NMNAT3: variants seen among roughly 807,000 people sequenced by gnomAD.
NMNAT3 encodes nicotinamide nucleotide adenylyltransferase 3, also known as nicotinamide/nicotinic acid mononucleotide adenylyltransferase 3.
In NMNAT3, 21 loss-of-function variants were observed where a neutral mutation model predicts 24.8. The observed-to-expected ratio is 0.85, with a 90% CI of 0.60 to 1.22. The LOEUF is 1.22. Among genes scored for constraint, NMNAT3 ranks in the 50% most tolerant of loss-of-function variants. The pLI is 0.00. For synonymous variants in NMNAT3, 136 were observed against 155.2 expected (o/e 0.88, Z 0.92); for missense variants, 387 against 436.6 (o/e 0.89, Z 1.01).
intron 5 of NMNAT3, among the ~76,000 whole-genome samples, chr3:139,574,850 A>AT (rs1939055889): frequency 6.6e-6 from 1 of 152,120 alleles, no homozygotes; most frequent in Non-Finnish European, 1.5e-5. Context: ...CCTGCTGCTG[A>AT]TTATAATTGG....
At chr3:139,635,168 G>A (rs1439057410) in intron 2 of NMNAT3, 1 of 152,120 alleles carries the variant, frequency 6.6e-6, no homozygotes, top group African/African-American at 2.4e-5. Flanking sequence ...GCTTCCAGGA[G>A]GTTCTTTACC....
At chr3:139,615,270 T>G (rs995509359) in intron 3 of NMNAT3, among the ~76,000 whole-genome samples, 1 of 152,204 alleles carries the variant, frequency 6.6e-6, no homozygotes, top group Non-Finnish European at 1.5e-5. Context: ...TCTAAGGAGC[T>G]CTTTTAGTAT....
At chr3:139,606,079 A>G (rs1256061408) in intron 3 of NMNAT3, among the ~76,000 whole-genome samples, 1 of 152,236 alleles carries the variant, frequency 6.6e-6, no homozygotes, top group East Asian at 1.9e-4. Context: ...TTCAGCTTCT[A>G]CTAATGTTAA....
intron 1 of NMNAT3, among the ~76,000 whole-genome samples, chr3:139,639,417 C>G (rs934718730): frequency 4.6e-5 from 7 of 152,216 alleles, no homozygotes; most frequent in African/African-American, 1.7e-4. Context: ...TAGCTAACAG[C>G]AGCCTTGGAA....
intron 2 of NMNAT3, among the ~76,000 whole-genome samples, chr3:139,632,870 T>C (rs2056353097): frequency 6.6e-6 from 1 of 152,192 alleles, no homozygotes; most frequent in Non-Finnish European, 1.5e-5. Context: ...AAAGGGACTT[T>C]ACAGATGTGA....
chr3:139,603,741 C>G (rs2054818220), intron 3 of NMNAT3, among the ~76,000 whole-genome samples: 4 of 152,150 alleles, frequency 2.6e-5, no homozygotes, highest in Admixed American at 2.6e-4. Flanking sequence ...TCCAACTAAC[C>G]AATGCTGCTG....
At chr3:139,609,583 T>TTAAC (rs145380339) in intron 3 of NMNAT3, 1 of 2,692 alleles carries the variant, frequency 3.7e-4, no homozygotes, top group African/African-American at 3.9e-4. Flanking sequence ...TGATTGTGTT[T>TTAAC]TGTTAAATTT....
intron 3 of NMNAT3, among the ~76,000 whole-genome samples, chr3:139,622,463 G>A (rs1016721085): frequency 1.3e-5 from 2 of 151,446 alleles, no homozygotes; most frequent in Non-Finnish European, 2.9e-5. Context: ...CGCCAGGCAC[G>A]GTGGCTCACA....
chr3:139,649,444 G>A (rs150019230), intron 1 of NMNAT3, among the ~76,000 whole-genome samples: 149 of 152,240 alleles, frequency 9.8e-4, no homozygotes, highest in African/African-American at 3.4e-3. Context: ...AAAGTCTGAG[G>A]CAAGTGCGTC....
rs76264795 is a variant in NMNAT3, at chr3:139,676,195, G to T, written c.-141+1510C>A. Reference sequence around the variant, plus strand: ...CCTCATCTGGGTTCCCCTACTCTCTGGGCCTCTCAGTTGGTTTTCATGGAG... The same window carrying T: ...CCTCATCTGGGTTCCCCTACTCTCTTGGCCTCTCAGTTGGTTTTCATGGAG... On this transcript the variant is annotated intron_variant, in intron 1 of 6. Transcript: ENST00000643695. 3.9e-3 allele frequency among the ~76,000 whole-genome samples: 598 copies of T among 152,262 alleles called. 4 individuals are homozygous for T. The highest frequency in any genetic ancestry group is 0.014 in the African/African-American group (574 of 41,548).
intron 3 of NMNAT3, among the ~76,000 whole-genome samples, chr3:139,612,474 G>A (rs1161885743): frequency 1.3e-5 from 2 of 152,166 alleles, no homozygotes; most frequent in African/African-American, 2.4e-5. Flanking sequence ...CAGGCTGCAG[G>A]CAAATGGAGT....
In NMNAT3 at chr3:139,561,580, T is replaced by C. The variant is rs150723313; in HGVS notation, c.659-188A>G. On this transcript the variant is annotated intron_variant, in intron 6 of 6. Coordinates refer to ENST00000643695, the MANE Select transcript of NMNAT3 (RefSeq NM_001320510.2). ...CCATTTCAGGGAATACAGTTGTAAG[T>C]AATGATTTAATCAATACACCTTTTG... 4.0e-3 allele frequency among the ~76,000 whole-genome samples: 606 copies of C among 152,368 alleles called. 8 individuals carry two copies. Among genetic ancestry groups the C allele is most frequent in the Non-Finnish European group, 3.5e-3 (239 of 68,036 alleles).
chr3:139,641,736 G>A (rs772433536), intron 1 of NMNAT3, among the ~76,000 whole-genome samples: 1 of 152,194 alleles, frequency 6.6e-6, no homozygotes, highest in Non-Finnish European at 1.5e-5. Flanking sequence ...AATGTAGGCT[G>A]ACATGAAATG....
rs1397738819 is a variant in NMNAT3, at chr3:139,642,668, A to G, written c.-140-4606T>C. Among the ~76,000 whole-genome samples, 3 of 152,172 alleles carry G rather than the reference A, an allele frequency of 2.0e-5. No individual in the cohort carries two copies. In the East Asian group the frequency reaches 5.8e-4, roughly 29 times the overall value. ...CTGCATCCAGTGTCCCATGGGCACC[A>G]TGGGGACATTGATGAGGGCAGCCCT... On this transcript the variant is annotated intron_variant, in intron 1 of 6. Coordinates refer to ENST00000643695, the MANE Select transcript of NMNAT3 (RefSeq NM_001320510.2).
chr3:139,670,470 TTTCCCTA>T (rs1397995505), intron 1 of NMNAT3, among the ~76,000 whole-genome samples: 1 of 152,232 alleles, frequency 6.6e-6, no homozygotes, highest in Non-Finnish European at 1.5e-5. Context: ...CCCCGGCTAA[TTTCCCTA>T]CCTTTTGCTA....
intron 3 of NMNAT3, among the ~76,000 whole-genome samples, chr3:139,602,597 G>A (rs1309996363): frequency 1.3e-5 from 2 of 152,148 alleles, no homozygotes; most frequent in Non-Finnish European, 2.9e-5. Context: ...AGCATCCCAG[G>A]CAATTCTTAT....
chr3:139,599,348 T>G (rs1416428471), intron 3 of NMNAT3: 2 of 702,424 alleles, frequency 2.8e-6, no homozygotes, highest in African/African-American at 3.5e-5. Flanking sequence ...TTGGTGTTTC[T>G]GTGGGCACAA....
intron 3 of NMNAT3, among the ~76,000 whole-genome samples, chr3:139,612,883 A>G (rs1006201037): frequency 6.6e-6 from 1 of 152,198 alleles, no homozygotes; most frequent in Non-Finnish European, 1.5e-5. Context: ...AGAAATGGGG[A>G]AAGGATTCCC....
At chr3:139,667,596 C>T (rs1211125846) in intron 1 of NMNAT3, among the ~76,000 whole-genome samples, 1 of 152,184 alleles carries the variant, frequency 6.6e-6, no homozygotes, top group Non-Finnish European at 1.5e-5. Flanking sequence ...GGTCCAGCCT[C>T]AGCCCCCTTC....
Sources: allele counts gnomAD v4.1 joint callset (sites outside exome capture counted in the v4.1 genomes callset), GRCh38; gene constraint gnomAD v4.1.1; transcripts MANE v1.5; gene names NCBI Gene and HGNC (gene_info 2026-07-23, HGNC 2026-07-21).